FANCA: variants seen among roughly 807,000 people sequenced by gnomAD.
FANCA encodes FA complementation group A, also known as Fanconi anemia group A protein.
A neutral mutation model predicts 194.3 loss-of-function variants in FANCA; 236 were observed. The ratio of observed to expected loss-of-function variants is 1.21; its 90% confidence interval spans 1.09 to 1.35. The LOEUF (loss-of-function observed/expected upper bound fraction) is 1.35. Among genes scored for constraint, FANCA ranks in the 40% most tolerant of loss-of-function variants. FANCA has a pLI of 0.00. For synonymous variants in FANCA, 1,014 were observed against 715.8 expected, an observed-to-expected ratio of 1.42 and a Z score of -6.65; for missense variants, 2,628 against 1,813.9, an observed-to-expected ratio of 1.45 and a Z score of -8.15.
At chr16:89,776,643 C>T (rs1048098227) in intron 20 of FANCA, among the ~76,000 whole-genome samples, 1 of 151,678 alleles carries the variant, frequency 6.6e-6, no homozygotes, top group African/African-American at 2.4e-5. Flanking sequence ...CTGGCTAACA[C>T]AGTGAAACCC....
At position 89,783,055 on chromosome 16, in the gene FANCA, G is replaced by A. The variant is rs781524409; in HGVS notation, c.1518C>T (p.Leu506=). Residue 506 remains leucine (L), a synonymous_variant, in exon 16 of 43, where the codon CTC becomes CTT. Transcript: ENST00000389301. ...TGGCCAATGAGATGTAGTCTGTGAG[G>A]AGGGAGCGGTACTTGCCGGGAACCA... The part of the protein sequence containing the change: ...PPLVPGKYRS[L]LTDYISLAKT... 7 of 1,614,012 alleles carry A rather than the reference G, an allele frequency of 4.3e-6. No homozygotes were observed. The highest frequency in any genetic ancestry group is 5.9e-6 in the Non-Finnish European group (7 of 1,179,924).
At chr16:89,779,993 G>A in intron 17 of FANCA, 36 bp from the exon 18 acceptor site, 2 of 1,590,384 alleles carry the variant, frequency 1.3e-6, no homozygotes, top group East Asian at 4.5e-5. Flanking sequence ...AAAAAGAACA[G>A]AGGACTTTAA....
chr16:89,791,534 A>C lies in FANCA; in HGVS notation c.1228T>G (p.Trp410Gly). ...GCCTGGGCCATCAAACGCGCCACCCAGTCTAGTTAAGAACCATGACATAGT... is the reference window on the plus strand; with the variant it reads ...GCCTGGGCCATCAAACGCGCCACCCCGTCTAGTTAAGAACCATGACATAGT... ...FPEAQQLLED[W>G]VARLMAQAFE... The change falls in exon 14 of 43, where the codon TGG (tryptophan) becomes GGG (glycine). Residue 410 changes from tryptophan (W) to glycine (G), a missense_variant and splice_region_variant. Transcript: ENST00000389301. 1 of 1,614,074 alleles carries C rather than the reference A, an allele frequency of 6.2e-7. No individual in the cohort carries two copies. Among genetic ancestry groups the C allele is most frequent in the East Asian group, 2.2e-5 (1 of 44,884 alleles).
At chr16:89,806,411 G>A (rs1483984454) in intron 6 of FANCA, among the ~76,000 whole-genome samples, 1 of 147,558 alleles carries the variant, frequency 6.8e-6, no homozygotes, top group Non-Finnish European at 1.5e-5. Context: ...GGATTTGGCA[G>A]GGTCATAGGA....
chr16:89,787,646 G>A (rs561092731), intron 14 of FANCA, among the ~76,000 whole-genome samples: 18 of 152,060 alleles, frequency 1.2e-4, no homozygotes, highest in African/African-American at 4.3e-4. Context: ...TGAGGTGGGA[G>A]GATCATTTGA....
intron 33 of FANCA, among the ~76,000 whole-genome samples, chr16:89,747,959 C>T (rs796519819): frequency 2.0e-5 from 3 of 152,292 alleles, no homozygotes; most frequent in African/African-American, 4.8e-5. Context: ...GTCACCCAGG[C>T]TGGAGTGTAG....
intron 29 of FANCA, 64 bp from the exon 30 acceptor site, chr16:89,758,769 C>T: frequency 1.2e-6 from 2 of 1,602,018 alleles, no homozygotes; most frequent in South Asian, 1.1e-5. Flanking sequence ...TCCCCATAAC[C>T]AGGGAATAGG....
chr16:89,770,715 A>G, intron 23 of FANCA, 81 bp from the exon 24 acceptor site: 1 of 1,233,692 alleles, frequency 8.1e-7, no homozygotes, highest in Non-Finnish European at 1.2e-6. Flanking sequence ...CTCCCGCCAC[A>G]GACATCGCAA....
Position 89,812,646 on chromosome 16 carries a change from C to CAAAAAAAAAAAAAAAAAAAAAAA in FANCA, c.284-1598_284-1576dup, listed in dbSNP as rs71137677. 2.0e-3 allele frequency among the ~76,000 whole-genome samples: 86 copies of CAAAAAAAAAAAAAAAAAAAAAAA among 42,284 alleles called. 5 individuals are homozygous for CAAAAAAAAAAAAAAAAAAAAAAA. The highest frequency in any genetic ancestry group is 3.6e-3 in the Non-Finnish European group (63 of 17,586). 27.7% of individuals were successfully genotyped at this position (42,284 alleles called of 152,430 possible). A position where few individuals can be genotyped will look rare whatever the true frequency, so the allele number is the denominator to read the frequency against. On this transcript the variant is annotated intron_variant, in intron 3 of 42. Coordinates refer to ENST00000389301, the MANE Select transcript of FANCA (RefSeq NM_000135.4). ...GGGTAACAAGAGCAATACTCCGTCT[C>CAAAAAAAAAAAAAAAAAAAAAAA]AAAAAAAAAAAAAAAAAAAAAAAAC...
At chr16:89,763,427 C>G (rs62054644) in intron 28 of FANCA, among the ~76,000 whole-genome samples, 9,010 of 151,894 alleles carry the variant, frequency 0.059, 405 homozygotes, top group East Asian at 0.22. Context: ...CCTGACATCT[C>G]AGCCTCCCAA....
chr16:89,800,284 A>G (rs932734352), intron 8 of FANCA, among the ~76,000 whole-genome samples: 8 of 152,218 alleles, frequency 5.3e-5, no homozygotes, highest in Non-Finnish European at 2.9e-5. Context: ...TGGAGCCAGA[A>G]GACGGTGAGA....
At chr16:89,740,569 G>C (rs1362930610) in intron 38 of FANCA, 4 of 551,092 alleles carry the variant, frequency 7.3e-6, no homozygotes, top group Non-Finnish European at 1.3e-5. Context: ...CCAGGAGGCT[G>C]AGGTTGCAGT....
At chr16:89,790,054 AATATGTG>A (rs1338041284) in intron 14 of FANCA, among the ~76,000 whole-genome samples, 3 of 152,216 alleles carry the variant, frequency 2.0e-5, no homozygotes, top group African/African-American at 7.2e-5. Context: ...AAAAAGGAAG[AATATGTG>A]ATACGGCTGA....
chr16:89,746,754 A>G, intron 34 of FANCA, 66 bp from the exon 35 acceptor site: 2 of 1,596,564 alleles, frequency 1.3e-6, no homozygotes, highest in South Asian at 1.1e-5. Flanking sequence ...GAGTGAAGGA[A>G]CTCACAGGAA....
intron 30 of FANCA, among the ~76,000 whole-genome samples, chr16:89,757,324 G>A (rs1230703406): frequency 1.2e-4 from 18 of 152,072 alleles, no homozygotes; most frequent in Admixed American, 1.2e-3. Flanking sequence ...AATCTCAGGA[G>A]GCATTCTTGG....
intron 29 of FANCA, among the ~76,000 whole-genome samples, chr16:89,761,162 G>C (rs770415830): frequency 6.6e-6 from 1 of 152,230 alleles, no homozygotes; most frequent in Non-Finnish European, 1.5e-5. Flanking sequence ...GCTCACGCCT[G>C]TAATGCCAGC....
chr16:89,763,254 AAAAAT>A (rs1052991870), intron 28 of FANCA, among the ~76,000 whole-genome samples: 10 of 152,140 alleles, frequency 6.6e-5, no homozygotes, highest in Non-Finnish European at 1.0e-4. Context: ...CTCCAAAAAA[AAAAAT>A]AATAATTTAA....
At chr16:89,799,583 G>T in intron 9 of FANCA, 22 bp downstream of exon 9, 1 of 1,609,678 alleles carries the variant, frequency 6.2e-7, no homozygotes, top group South Asian at 1.1e-5. Flanking sequence ...TTACAGTCTG[G>T]GCTGCAGTGC....
intron 20 of FANCA, among the ~76,000 whole-genome samples, chr16:89,777,455 G>A (rs2039547518): frequency 6.6e-6 from 1 of 152,066 alleles, no homozygotes; most frequent in Admixed American, 6.6e-5. Context: ...GCAGAGCATG[G>A]TGGCTCACGC....
Sources: gnomAD v4.1 joint callset for allele counts (sites outside exome capture counted in the v4.1 genomes callset) on GRCh38, gnomAD v4.1.1 for gene constraint, MANE v1.5 for transcripts, NCBI Gene and HGNC (gene_info 2026-07-23, HGNC 2026-07-21) for gene names.